The following SGPP1 variants were observed in gnomAD, a reference collection of about 807,000 sequenced individuals.
SGPP1 encodes sphingosine-1-phosphate phosphatase 1.
In SGPP1, 21 loss-of-function variants were observed where a neutral mutation model predicts 33.0. That is an observed-to-expected ratio of 0.64 (90% confidence interval 0.45 to 0.92). The LOEUF (loss-of-function observed/expected upper bound fraction) is 0.92. Ranked by LOEUF, SGPP1 falls within the 40% of genes least tolerant of loss-of-function variation. SGPP1 has a pLI of 0.00. For synonymous variants in SGPP1, 239 were observed against 241.2 expected (o/e 0.99, Z 0.08); for missense variants, 543 against 589.4 (o/e 0.92, Z 0.81).
In SGPP1 at chr14:63,686,239, G is replaced by C. The variant is rs1197827155; in HGVS notation, c.1192C>G (p.Pro398Ala). ...CTTGCTTTTCGAATATCATCACACG[G>C]TATATTGAAGATTTTGCAGGCTAAA... ...IPLACKIFNI[P>A]CDDIRKARQH... Residue 398 changes from proline to alanine, a missense_variant, in exon 3 of 3, where the codon CCG (proline) becomes GCG (alanine). Pro to Ala is a conservative substitution (Grantham distance 27, BLOSUM62 -1). Transcript: ENST00000247225. 1.9e-6 allele frequency: 3 copies of C among 1,614,040 alleles called. No individual in the cohort carries two copies. Among genetic ancestry groups the C allele is most frequent in the East Asian group, 2.2e-5 (1 of 44,868 alleles).
At chr14:63,701,300 T>A (rs1187707681) in intron 1 of SGPP1, among the ~76,000 whole-genome samples, 1 of 152,130 alleles carries the variant, frequency 6.6e-6, no homozygotes, top group Non-Finnish European at 1.5e-5. Context: ...CAAGATTTTG[T>A]TATGTGTTAA....
chr14:63,720,257 T>C (rs1885743088), intron 1 of SGPP1, among the ~76,000 whole-genome samples: 1 of 147,264 alleles, frequency 6.8e-6, no homozygotes, highest in South Asian at 2.1e-4. Context: ...GTGAAACCTA[T>C]GTAAAAACAA....
rs1170059736 is a variant in SGPP1 at position 63,727,342 on chromosome 14, C to G, written c.603G>C (p.Glu201Asp). The G allele has an allele frequency of 6.2e-7, 1 of 1,614,160 alleles. No individual in the cohort carries two copies. The highest frequency in any genetic ancestry group is 1.7e-5 in the Admixed American group (1 of 60,014). Reference sequence around the variant, plus strand: ...TGGCATGGGTGGAGGGCATGCTGTACTCAGAGTTGTAGAAGACCTCCAACT... The same window carrying G: ...TGGCATGGGTGGAGGGCATGCTGTAGTCAGAGTTGTAGAAGACCTCCAACT... ...VVKLEVFYNS[E>D]YSMPSTHAMS... The change falls in exon 1 of 3, where the codon GAG becomes GAC. Residue 201 changes from glutamate to aspartate, a missense_variant. Physicochemically the swap from Glu to Asp is conservative, Grantham distance 45. Transcript: ENST00000247225.
At chr14:63,711,945 G>A (rs539061656) in intron 1 of SGPP1, among the ~76,000 whole-genome samples, 74 of 150,638 alleles carry the variant, frequency 4.9e-4, no homozygotes, top group African/African-American at 1.6e-3. Flanking sequence ...CAGGAGAATC[G>A]CTTGAACCTG....
At chr14:63,706,684 C>A (rs933027860) in intron 1 of SGPP1, among the ~76,000 whole-genome samples, 2 of 152,162 alleles carry the variant, frequency 1.3e-5, no homozygotes, top group African/African-American at 4.8e-5. Flanking sequence ...CAGTTCCTGG[C>A]CTCAAACATG....
At chr14:63,707,490 G>A (rs1885439832) in intron 1 of SGPP1, among the ~76,000 whole-genome samples, 1 of 151,200 alleles carries the variant, frequency 6.6e-6, no homozygotes, top group Non-Finnish European at 1.5e-5. Flanking sequence ...AAATATAGAC[G>A]TCCAGGCAGT....
At chr14:63,704,683 C>T (rs919556797) in intron 1 of SGPP1, among the ~76,000 whole-genome samples, 1 of 151,944 alleles carries the variant, frequency 6.6e-6, no homozygotes, top group Admixed American at 6.6e-5. Flanking sequence ...GACCCTGTCT[C>T]AATAAAGAAA....
intron 1 of SGPP1, among the ~76,000 whole-genome samples, chr14:63,714,359 G>A (rs1461601500): frequency 1.3e-4 from 20 of 152,152 alleles, no homozygotes; most frequent in Admixed American, 1.3e-3. Flanking sequence ...AAAGTGGAGT[G>A]CACACAATTA....
chr14:63,726,578 G>A (rs1325526796), intron 1 of SGPP1, among the ~76,000 whole-genome samples: 3 of 152,170 alleles, frequency 2.0e-5, no homozygotes, highest in South Asian at 2.1e-4. Context: ...TAGAGTTAAT[G>A]AGGCAATAAC....
chr14:63,687,744 T>C (rs764192994), intron 2 of SGPP1, among the ~76,000 whole-genome samples: 19 of 152,196 alleles, frequency 1.2e-4, no homozygotes, highest in South Asian at 1.2e-3. Flanking sequence ...CTCATGCCTA[T>C]AATCCCAACA....
chr14:63,705,351 T>C (rs934778673), intron 1 of SGPP1, among the ~76,000 whole-genome samples: 2 of 149,840 alleles, frequency 1.3e-5, no homozygotes, highest in Non-Finnish European at 3.0e-5. Context: ...CCAAAGAAGA[T>C]ATACAAATGG....
intron 2 of SGPP1, among the ~76,000 whole-genome samples, chr14:63,689,299 C>T (rs767368853): frequency 1.3e-5 from 2 of 151,908 alleles, no homozygotes; most frequent in Non-Finnish European, 2.9e-5. Flanking sequence ...TCATAAATAC[C>T]TGGGATTTTT....
intron 1 of SGPP1, among the ~76,000 whole-genome samples, chr14:63,704,480 T>A (rs1427157107): frequency 6.6e-6 from 1 of 152,214 alleles, no homozygotes; most frequent in Non-Finnish European, 1.5e-5. Context: ...AATGATGAAG[T>A]TGGACTCCTA....
chr14:63,711,849 G>C (rs1214354361), intron 1 of SGPP1, among the ~76,000 whole-genome samples: 1 of 151,980 alleles, frequency 6.6e-6, no homozygotes, highest in Admixed American at 6.6e-5. Context: ...GGCCAACATG[G>C]CAAAACCACA....
intron 1 of SGPP1, among the ~76,000 whole-genome samples, chr14:63,724,991 G>GA (rs141340040): frequency 0.051 from 7,518 of 146,790 alleles, 642 homozygotes; most frequent in African/African-American, 0.18. Flanking sequence ...GACTCTTAGG[G>GA]AAAAAAAAAA....
intron 1 of SGPP1, among the ~76,000 whole-genome samples, chr14:63,716,589 A>C (rs1440050250): frequency 6.6e-6 from 1 of 152,100 alleles, no homozygotes; most frequent in Non-Finnish European, 1.5e-5. Context: ...GCTACTCTGG[A>C]TGCTGAGGCA....
chr14:63,728,031 C>T lies in SGPP1; in HGVS notation c.-87G>A, dbSNP rs1885930395. 1 of 1,385,140 alleles carries T rather than the reference C, an allele frequency of 7.2e-7. No homozygotes were observed. Among genetic ancestry groups the T allele is most frequent in the Admixed American group, 3.0e-5 (1 of 33,880 alleles). The allele number at this position is 1,385,140 out of a possible 1,614,324, so 85.8% of individuals were successfully genotyped here. A position where few individuals can be genotyped will look rare whatever the true frequency, so the allele number is the denominator to read the frequency against. On this transcript the variant is annotated 5_prime_UTR_variant, in exon 1 of 3. Transcript: ENST00000247225. ...TCCTGGCCAGCGGCAGCGGAACCGG[C>T]ACAGCGCTCTACCCTCCGGAGTCTG...
chr14:63,715,140 A>G (rs753183691), intron 1 of SGPP1, among the ~76,000 whole-genome samples: 1 of 151,356 alleles, frequency 6.6e-6, no homozygotes, highest in Non-Finnish European at 1.5e-5. Context: ...CAGCCTACCA[A>G]GTAGTTGGGA....
chr14:63,717,318 T>C (rs1375783867), intron 1 of SGPP1, among the ~76,000 whole-genome samples: 1 of 117,700 alleles, frequency 8.5e-6, no homozygotes, highest in African/African-American at 4.7e-5. Flanking sequence ...GGAATTTCTC[T>C]TTTTTTTTTT....
Sources: allele counts gnomAD v4.1 joint callset (sites outside exome capture counted in the v4.1 genomes callset), GRCh38; gene constraint gnomAD v4.1.1; transcripts MANE v1.5; gene names NCBI Gene and HGNC (gene_info 2026-07-23, HGNC 2026-07-21).